The following CNTN5 variants were observed in gnomAD, a reference collection of about 807,000 sequenced individuals.
The protein encoded by CNTN5 is contactin 5, also known as contactin-5.
Under a neutral mutation model 129.1 loss-of-function variants are expected in CNTN5, and 77 were observed. That is an observed-to-expected ratio of 0.60 (90% CI 0.50 to 0.72). The LOEUF (loss-of-function observed/expected upper bound fraction) is 0.72. Ranked by LOEUF, CNTN5 falls within the 30% of genes least tolerant of loss-of-function variation. The pLI is 0.00. For synonymous variants in CNTN5, 509 were observed against 465.6 expected (o/e 1.09, Z -1.20); for missense variants, 1,478 against 1,328.8 (o/e 1.11, Z -1.75).
At chr11:99,062,548 A>G (rs1004369044) in intron 1 of CNTN5, among the ~76,000 whole-genome samples, 1 of 152,142 alleles carries the variant, frequency 6.6e-6, no homozygotes, top group African/African-American at 2.4e-5. Context: ...AAGTATTGTG[A>G]GAAACATTTA....
chr11:99,561,351 T>C (rs1210256860), intron 3 of CNTN5, among the ~76,000 whole-genome samples: 1 of 152,066 alleles, frequency 6.6e-6, no homozygotes, highest in Non-Finnish European at 1.5e-5. Context: ...TCCAAATAAA[T>C]GAATATTCAT....
intron 3 of CNTN5, among the ~76,000 whole-genome samples, chr11:99,697,951 A>G (rs1340644871): frequency 6.6e-6 from 1 of 151,676 alleles, no homozygotes; most frequent in African/African-American, 2.4e-5. Context: ...TCAGCTATGC[A>G]ACTAATTTGT....
intron 2 of CNTN5, among the ~76,000 whole-genome samples, chr11:99,548,681 A>G (rs1365892202): frequency 6.6e-6 from 1 of 152,208 alleles, no homozygotes; most frequent in South Asian, 2.1e-4. Flanking sequence ...ATCTCACAGT[A>G]CATTATTTTA....
chr11:100,319,772 T>C (rs1404330876), intron 21 of CNTN5, among the ~76,000 whole-genome samples: 1 of 152,184 alleles, frequency 6.6e-6, no homozygotes, highest in African/African-American at 2.4e-5. Flanking sequence ...TCAACTTTCT[T>C]AGAGTCCACA....
At chr11:99,022,478 C>G (rs1862918521) in intron 1 of CNTN5, among the ~76,000 whole-genome samples, 1 of 152,088 alleles carries the variant, frequency 6.6e-6, no homozygotes, top group Non-Finnish European at 1.5e-5. Context: ...GAGCAATTCT[C>G]ATGGTTGCTT....
At chr11:99,887,025 T>C (rs1217126085) in intron 6 of CNTN5, among the ~76,000 whole-genome samples, 1 of 152,172 alleles carries the variant, frequency 6.6e-6, no homozygotes, top group Non-Finnish European at 1.5e-5. Context: ...TCTTAAATAC[T>C]GTGGCTGGTT....
At chr11:99,173,795 A>G (rs1203030125) in intron 1 of CNTN5, among the ~76,000 whole-genome samples, 9 of 152,174 alleles carry the variant, frequency 5.9e-5, no homozygotes, top group Non-Finnish European at 1.2e-4. Flanking sequence ...CGCTATTTGA[A>G]TAAAATATTT....
chr11:100,153,044 G>A (rs1014118890), intron 13 of CNTN5, among the ~76,000 whole-genome samples: 1 of 151,994 alleles, frequency 6.6e-6, no homozygotes, highest in Non-Finnish European at 1.5e-5. Flanking sequence ...AGAACAGAAA[G>A]AAGTAATAAA....
rs912582471 is a variant in CNTN5 at position 100,143,066 on chromosome 11, A to C, written c.1581-48060A>C. 2.0e-5 allele frequency among the ~76,000 whole-genome samples: 3 copies of C among 152,210 alleles called. No individual in the cohort carries two copies. The South Asian group carries it at 6.2e-4, about 31-fold the overall frequency. ...CCAAAATATTTCAGTATTTATATAC[A>C]AATATTCCAAAATCTGAAAAAATTC... On this transcript the variant is annotated intron_variant, in intron 13 of 24. Transcript: ENST00000524871.
chr11:100,254,643 A>T (rs1252342887), intron 16 of CNTN5, among the ~76,000 whole-genome samples: 7 of 152,140 alleles, frequency 4.6e-5, no homozygotes, highest in Admixed American at 2.0e-4. Context: ...TGAGGCTTTT[A>T]AACTTTTTCT....
chr11:99,545,979 A>C (rs2135509076), intron 2 of CNTN5, among the ~76,000 whole-genome samples: 1 of 148,358 alleles, frequency 6.7e-6, no homozygotes, highest in East Asian at 2.0e-4. Context: ...AACAACTTGG[A>C]CTTTGAATAG....
chr11:99,689,804 GT>G (rs1253677130), intron 3 of CNTN5, among the ~76,000 whole-genome samples: 2 of 151,912 alleles, frequency 1.3e-5, no homozygotes, highest in Non-Finnish European at 2.9e-5. Context: ...GATTTTTTAA[GT>G]TCCTTGTAAA....
intron 3 of CNTN5, among the ~76,000 whole-genome samples, chr11:99,745,627 T>C (rs1480217365): frequency 6.6e-6 from 1 of 152,204 alleles, no homozygotes; most frequent in Non-Finnish European, 1.5e-5. Flanking sequence ...TACTTTATTT[T>C]TACTACTGTG....
intron 6 of CNTN5, among the ~76,000 whole-genome samples, chr11:99,883,672 C>G (rs1948827708): frequency 6.6e-6 from 1 of 152,124 alleles, no homozygotes; most frequent in South Asian, 2.1e-4. Context: ...TCTTGATAAC[C>G]TATTATGTAT....
intron 2 of CNTN5, among the ~76,000 whole-genome samples, chr11:99,425,170 G>T (rs1036304836): frequency 2.6e-5 from 4 of 152,148 alleles, no homozygotes; most frequent in African/African-American, 9.7e-5. Flanking sequence ...GAAAAATTGT[G>T]TGCTGATTGG....
intron 1 of CNTN5, among the ~76,000 whole-genome samples, chr11:99,284,771 A>T (rs1050854480): frequency 1.3e-5 from 2 of 152,030 alleles, no homozygotes; most frequent in African/African-American, 2.4e-5. Context: ...TTCATAAAAC[A>T]TGGATAATGG....
At chr11:100,292,600 C>T (rs904253644) in intron 18 of CNTN5, among the ~76,000 whole-genome samples, 2 of 151,918 alleles carry the variant, frequency 1.3e-5, no homozygotes, top group Non-Finnish European at 2.9e-5. Context: ...TTGTCTTGCT[C>T]CTGTCCTTAT....
At position 100,340,447 on chromosome 11, in the gene CNTN5, G is replaced by C. The variant is rs1397794764; in HGVS notation, c.2731-16G>C. On this transcript the variant is annotated splice_polypyrimidine_tract_variant and intron_variant, in intron 21 of 24. Transcript: ENST00000524871. ...AAGCTTTAAAATTAACCTGCCATGT[G>C]ATAATTTGTTGATAGGTTGGTTACT... The C allele has an allele frequency of 6.3e-7, 1 of 1,587,968 alleles. No homozygotes were observed. Among genetic ancestry groups the C allele is most frequent in the Non-Finnish European group, 8.6e-7 (1 of 1,164,736 alleles).
intron 3 of CNTN5, among the ~76,000 whole-genome samples, chr11:99,767,594 C>A (rs1410563428): frequency 1.4e-5 from 2 of 146,718 alleles, no homozygotes; most frequent in Non-Finnish European, 3.0e-5. Flanking sequence ...TCTTATTTTC[C>A]CATTGATTAC....
Sources: gnomAD v4.1 joint callset for allele counts (sites outside exome capture counted in the v4.1 genomes callset) on GRCh38, gnomAD v4.1.1 for gene constraint, MANE v1.5 for transcripts, NCBI Gene and HGNC (gene_info 2026-07-23, HGNC 2026-07-21) for gene names.